Variants in FEZF1 observed in about 807,000 individuals in gnomAD.
FEZF1 encodes the protein FEZ family zinc finger 1.
FEZF1 carries 8 observed loss-of-function variants against 32.4 expected under a neutral mutation model. The observed-to-expected ratio is 0.25, with a 90% CI of 0.15 to 0.45. The LOEUF (loss-of-function observed/expected upper bound fraction) is 0.45, where lower values mean the gene tolerates loss of function less well. FEZF1 is among the 20% of genes least tolerant of loss of function. The probability of loss-of-function intolerance (pLI) is 1.00; values close to 1 mark genes in which losing one functional copy is unlikely to be tolerated. For synonymous variants in FEZF1, 259 were observed against 265.2 expected (o/e 0.98, Z 0.23); for missense variants, 546 against 622.3 (o/e 0.88, Z 1.31).
In FEZF1 at chr7:122,304,058, A is replaced by T. The variant is rs2031178152; in HGVS notation, c.380T>A (p.Leu127His). 2 of 1,561,548 alleles carry T rather than the reference A, an allele frequency of 1.3e-6. No homozygotes were observed. The highest frequency in any genetic ancestry group is 1.7e-6 in the Non-Finnish European group (2 of 1,155,664). The change falls in exon 1 of 4, where the codon CTC (leucine) becomes CAC (histidine). Residue 127 changes from leucine to histidine, a missense_variant. This residue lies in a region of FEZF1 where 345 missense variants were observed against 360.6 expected (regional missense o/e 0.96). Coordinates refer to ENST00000442488, the MANE Select transcript of FEZF1 (RefSeq NM_001024613.4). ...CSDLLNCALS[L>H]KGDLARDALP... The stretch of plus-strand genomic sequence containing the variant: ...CGCGTCGCGGGCCAGGTCGCCCTTG[A>T]GACTCAGTGCGCAGTTGAGCAGGTC...
upstream of FEZF1, chr7:122,307,437 G>A (rs528711730): frequency 2.6e-5 from 4 of 152,436 alleles, no homozygotes; most frequent in Admixed American, 2.0e-4. Context: ...GCGGCCTCTG[G>A]AGCCTTACCT....
chr7:122,302,493 G>T lies in FEZF1; in HGVS notation c.1070-138C>A. On this transcript the variant is annotated intron_variant, in intron 3 of 3. Coordinates refer to ENST00000442488, the MANE Select transcript of FEZF1 (RefSeq NM_001024613.4). This position sits in a 1 kb window ranked among gnomAD's most constrained non-coding sequence, Gnocchi z 4.4. ...CACAACAAGTGCAGGGCTACTATCT[G>T]TGCCTGCACTTGTCTCCCCAAGTTT... is the stretch of plus-strand genomic sequence containing the variant. The T allele has an allele frequency of 2.3e-6, 3 of 1,323,376 alleles. No homozygotes were observed. Among genetic ancestry groups the T allele is most frequent in the Non-Finnish European group, 3.1e-6 (3 of 974,986 alleles). The allele number at this position is 1,323,376 out of a possible 1,614,324, so 82.0% of individuals were successfully genotyped here.
Position 122,302,603 on chromosome 7 carries a change from T to C in FEZF1, c.1069+196A>G, listed in dbSNP as rs1229778619. Reference sequence around the variant, plus strand: ...AGTCCAATTACATACAATGAGAGCATGCAGTTAAAACATATACCCTTGTTT... The same window carrying C: ...AGTCCAATTACATACAATGAGAGCACGCAGTTAAAACATATACCCTTGTTT... On this transcript the variant is annotated intron_variant, in intron 3 of 3. Coordinates refer to ENST00000442488, the MANE Select transcript of FEZF1 (RefSeq NM_001024613.4). The surrounding 1 kb of genome is among the most constrained non-coding windows in gnomAD (Gnocchi z 4.4). Among the ~76,000 whole-genome samples the C allele has an allele frequency of 2.0e-5, 3 of 152,214 alleles. No individual in the cohort carries two copies. Among genetic ancestry groups the C allele is most frequent in the African/African-American group, 7.2e-5 (3 of 41,462 alleles).
Position 122,303,157 on chromosome 7 carries a change from A to C in FEZF1, c.936+20T>G. ...ACAGTTCGGAAGCAAACTAGGTGAA[A>C]TTGAGACAGATGAACACACCTGCGT... On this transcript the variant is annotated intron_variant, in intron 2 of 3. Coordinates refer to ENST00000442488, the MANE Select transcript of FEZF1 (RefSeq NM_001024613.4). The C allele has an allele frequency of 6.2e-7, 1 of 1,614,018 alleles. No individual in the cohort carries two copies. Among genetic ancestry groups the C allele is most frequent in the East Asian group, 2.2e-5 (1 of 44,858 alleles).
chr7:122,304,055 T>C lies in FEZF1; in HGVS notation c.383A>G (p.Lys128Arg), dbSNP rs1244917519. 3.8e-6 allele frequency: 6 copies of C among 1,560,906 alleles called. No individual in the cohort carries two copies. The highest frequency in any genetic ancestry group is 5.2e-6 in the Non-Finnish European group (6 of 1,155,254). The change falls in exon 1 of 4, where the codon AAG (lysine) becomes AGG (arginine). Residue 128 changes from lysine (K) to arginine (R), a missense_variant. This residue lies in a region of FEZF1 where 345 missense variants were observed against 360.6 expected (regional missense o/e 0.96). Coordinates refer to ENST00000442488, the MANE Select transcript of FEZF1 (RefSeq NM_001024613.4). The stretch of plus-strand genomic sequence containing the variant: ...CAGCGCGTCGCGGGCCAGGTCGCCC[T>C]TGAGACTCAGTGCGCAGTTGAGCAG... ...SDLLNCALSL[K>R]GDLARDALPL...
chr7:122,305,881 C>T (rs553554845), upstream of FEZF1: 1 of 152,452 alleles, frequency 6.6e-6, no homozygotes, highest in South Asian at 2.1e-4. Context: ...GCAACGCCCC[C>T]CAGCCGAACA....
Position 122,303,513 on chromosome 7 carries a change from GGAAGGAAGGAAGGAAGGAAGGAA to G in FEZF1, c.801+101_801+123del, listed in dbSNP as rs1563042030. 18 of 549,310 alleles carry G rather than the reference GGAAGGAAGGAAGGAAGGAAGGAA, an allele frequency of 3.3e-5. No homozygotes were observed. In the African/African-American group the frequency reaches 3.5e-4, roughly 11 times the overall value. 34.0% of individuals were successfully genotyped at this position (549,310 alleles called of 1,614,324 possible). ...AGGAAGGAAGGAAGGAAGGAAGGAA[GGAAGGAAGGAAGGAAGGAAGGAA>G]GGAGGGAGGGAAGGAAGGAGGGAAG... On this transcript the variant is annotated intron_variant, in intron 1 of 3. Transcript: ENST00000442488.
At chr7:122,307,459 T>A (rs1325959859), upstream of FEZF1, 1 of 152,544 alleles carries the variant, frequency 6.6e-6, no homozygotes, top group Non-Finnish European at 1.5e-5. Context: ...CCTTCTTGAC[T>A]GAATGCCACC....
chr7:122,303,958 CA>C lies in FEZF1; in HGVS notation c.479del (p.Leu160CysfsTer4). 6.3e-7 allele frequency: 1 copy of C among 1,599,652 alleles called. No individual in the cohort carries two copies. The highest frequency in any genetic ancestry group is 8.5e-7 in the Non-Finnish European group (1 of 1,172,830). ...GGCCGTCACCTCGGTTCAGGTAGCA[CA>C]AGGCGCCCATGGCGTGGAATGAAGA... ...NHSSFHAMGA[L>X]CYLNRGDGPC... On this transcript the variant is annotated frameshift_variant, in exon 1 of 4. Transcript: ENST00000442488. LOFTEE classifies it high-confidence loss of function.
Position 122,302,622 on chromosome 7 carries a change from C to G in FEZF1, c.1069+177G>C, listed in dbSNP as rs191247585. Among the ~76,000 whole-genome samples the G allele has an allele frequency of 2.6e-5, 4 of 152,280 alleles. No individual in the cohort carries two copies. The highest frequency in any genetic ancestry group is 5.9e-5 in the Non-Finnish European group (4 of 68,016). On this transcript the variant is annotated intron_variant, in intron 3 of 3. Transcript: ENST00000442488. The surrounding 1 kb of genome is among the most constrained non-coding windows in gnomAD (Gnocchi z 4.4). ...AGAGCATGCAGTTAAAACATATACC[C>G]TTGTTTTATGAATCATGCTTTTCTC...
chr7:122,302,985 A>G lies in FEZF1; in HGVS notation c.937-54T>C. ...ATTTAGATATTTTCTAATTATGTGA[A>G]GTTCTGCAAGCTCAAAACACAGTAA... On this transcript the variant is annotated intron_variant, in intron 2 of 3. Coordinates refer to ENST00000442488, the MANE Select transcript of FEZF1 (RefSeq NM_001024613.4). The surrounding 1 kb of genome is among the most constrained non-coding windows in gnomAD (Gnocchi z 4.4). 1.3e-6 allele frequency: 2 copies of G among 1,564,818 alleles called. No homozygotes were observed. Among genetic ancestry groups the G allele is most frequent in the Non-Finnish European group, 1.7e-6 (2 of 1,155,302 alleles).
At chr7:122,307,567 A>G (rs1024528903), upstream of FEZF1, 11 of 152,446 alleles carry the variant, frequency 7.2e-5, no homozygotes, top group Non-Finnish European at 1.0e-4. Context: ...TGACCTCTGT[A>G]AATTTCTCCT....
At position 122,302,489 on chromosome 7, in the gene FEZF1, A is replaced by G; in HGVS notation, c.1070-134T>C. 3 of 1,345,836 alleles carry G rather than the reference A, an allele frequency of 2.2e-6. No individual in the cohort carries two copies. The highest frequency in any genetic ancestry group is 3.0e-6 in the Non-Finnish European group (3 of 990,646). The allele number at this position is 1,345,836 out of a possible 1,614,324, so 83.4% of individuals were successfully genotyped here. On this transcript the variant is annotated intron_variant, in intron 3 of 3. Coordinates refer to ENST00000442488, the MANE Select transcript of FEZF1 (RefSeq NM_001024613.4). The surrounding 1 kb of genome is among the most constrained non-coding windows in gnomAD (Gnocchi z 4.4). ...GTCCCACAACAAGTGCAGGGCTACT[A>G]TCTGTGCCTGCACTTGTCTCCCCAA... is the stretch of plus-strand genomic sequence containing the variant.
chr7:122,302,928 T>C lies in FEZF1; in HGVS notation c.940A>G (p.Lys314Glu). ...CRHKIIHTQE[K>E]PHKCNQCGKA... ...CCACACTGGTTACATTTGTGAGGTT[T>C]TTCCTAAGCAGGAGAAAGGAAAAGC... The change falls in exon 3 of 4, where the codon AAA becomes GAA. Residue 314 changes from lysine (K) to glutamate (E), a missense_variant. Lys to Glu is a moderately conservative substitution (Grantham distance 56). Coordinates refer to ENST00000442488, the MANE Select transcript of FEZF1 (RefSeq NM_001024613.4). This position sits in a 1 kb window ranked among gnomAD's most constrained non-coding sequence, Gnocchi z 4.4. The C allele has an allele frequency of 1.9e-6, 3 of 1,605,622 alleles. No homozygotes were observed. The highest frequency in any genetic ancestry group is 2.6e-6 in the Non-Finnish European group (3 of 1,176,088).
exon 1 of FEZF1, chr7:122,310,407 T>G (rs1206475141): frequency 6.6e-6 from 1 of 152,258 alleles, no homozygotes; most frequent in Non-Finnish European, 1.5e-5. Context: ...AAGCCCGAAG[T>G]GAAACAGAAA....
Position 122,302,820 on chromosome 7 carries a change from C to T in FEZF1, c.1048G>A (p.Gly350Ser), listed in dbSNP as rs774309900. The change falls in exon 3 of 4, where the codon GGC becomes AGC. Residue 350 changes from glycine to serine, a missense_variant. Physicochemically the swap from Gly to Ser is moderately conservative, Grantham distance 56. Coordinates refer to ENST00000442488, the MANE Select transcript of FEZF1 (RefSeq NM_001024613.4). This position sits in a 1 kb window ranked among gnomAD's most constrained non-coding sequence, Gnocchi z 4.4. ...GYKPFVCEFC[G>S]KGFHQKGNYK... is the part of the protein sequence containing the mutation. ...ATACCTTTTTGATGAAACCCTTTGC[C>T]ACAGAATTCACACACAAACGGTTTG... The T allele has an allele frequency of 1.2e-6, 2 of 1,613,946 alleles. No individual in the cohort carries two copies. Among genetic ancestry groups the T allele is most frequent in the Non-Finnish European group, 8.5e-7 (1 of 1,179,984 alleles).
At chr7:122,309,496 T>A (rs1474092485), upstream of FEZF1, 1 of 152,208 alleles carries the variant, frequency 6.6e-6, no homozygotes, top group Non-Finnish European at 1.5e-5. Flanking sequence ...GTTAATGAGG[T>A]GGCAGGCAAT....
At chr7:122,306,810 C>T (rs2031295550), upstream of FEZF1, 1 of 152,384 alleles carries the variant, frequency 6.6e-6, no homozygotes, top group Admixed American at 6.5e-5. Context: ...TGCCTCGTTT[C>T]AGGCCTCGAG....
chr7:122,304,319 G>T lies in FEZF1; in HGVS notation c.119C>A (p.Thr40Asn), dbSNP rs983888910. 3 of 1,613,142 alleles carry T rather than the reference G, an allele frequency of 1.9e-6. No homozygotes were observed. The highest frequency in any genetic ancestry group is 2.7e-5 in the African/African-American group (2 of 74,926). Reference protein sequence around the residue: ...AFSIERIMARTPEPKALPVPH... With the variant: ...AFSIERIMARNPEPKALPVPH... ...GACTGGCAGGGCCTTGGGCTCTGGGGTGCGCGCCATGATTCGTTCAATGGA... is the reference window on the plus strand; with the variant it reads ...GACTGGCAGGGCCTTGGGCTCTGGGTTGCGCGCCATGATTCGTTCAATGGA... Residue 40 changes from threonine (T) to asparagine (N), a missense_variant, in exon 1 of 4, where the codon ACC becomes AAC. Around this residue, in one of 3 missense-constraint regions of FEZF1, gnomAD observed 345 missense variants for 360.6 expected, o/e 0.96. Transcript: ENST00000442488.
Sources: allele counts gnomAD v4.1 joint callset (sites outside exome capture counted in the v4.1 genomes callset), GRCh38; gene constraint gnomAD v4.1.1; regional missense constraint gnomAD v4.1.1; non-coding constraint Gnocchi (gnomAD v3.1); transcripts MANE v1.5; gene names NCBI Gene and HGNC (gene_info 2026-07-23, HGNC 2026-07-21).